Variants in ZSWIM8 observed in about 807,000 individuals in gnomAD.
ZSWIM8 encodes the protein zinc finger SWIM domain-containing protein 8.
A neutral mutation model predicts 173.7 loss-of-function variants in ZSWIM8; 27 were observed. The ratio of observed to expected loss-of-function variants is 0.16; its 90% CI spans 0.11 to 0.21. ZSWIM8 has a LOEUF of 0.21. Among genes scored for constraint, ZSWIM8 ranks in the 10% least tolerant of loss-of-function variants. The pLI, the probability that ZSWIM8 is intolerant of heterozygous loss-of-function variation, is 1.00. For synonymous variants in ZSWIM8, 958 were observed against 962.0 expected, an observed-to-expected ratio of 1.00 and a Z score of 0.08; for missense variants, 1,627 against 2,428.8, an observed-to-expected ratio of 0.67 and a Z score of 6.94.
chr10:73,793,746 C>T (rs763409824), intron 11 of ZSWIM8, 27 bp downstream of exon 11: 116 of 1,583,066 alleles, frequency 7.3e-5, no homozygotes, highest in Admixed American at 4.3e-4. Flanking sequence ...CTCTACCTTC[C>T]CCTCCCCCAC....
At position 73,797,719 on chromosome 10, in the gene ZSWIM8, C is replaced by T; in HGVS notation, c.3663-62C>T. On this transcript the variant is annotated intron_variant, in intron 18 of 25. Transcript: ENST00000604729. The surrounding 1 kb of genome is among the most constrained non-coding windows in gnomAD (Gnocchi z 5.6). The stretch of plus-strand genomic sequence containing the variant: ...CCTCACTTTCCCTGGTCCTTCCCAA[C>T]CTACCCGGATGCCCATTTCAAAGAA... 6.4e-7 allele frequency: 1 copy of T among 1,572,268 alleles called. No homozygotes were observed. The highest frequency in any genetic ancestry group is 1.2e-5 in the South Asian group (1 of 85,674).
intron 1 of ZSWIM8, among the ~76,000 whole-genome samples, chr10:73,787,941 T>C (rs2083283148): frequency 6.6e-6 from 1 of 152,224 alleles, no homozygotes. Flanking sequence ...TTCTGATCTA[T>C]TAATGTGACT....
chr10:73,799,941 T>A (rs2083856188), intron 21 of ZSWIM8, 70 bp from the exon 22 acceptor site: 2 of 1,503,010 alleles, frequency 1.3e-6, no homozygotes, highest in Admixed American at 3.5e-5. Flanking sequence ...TAGCAGCTTG[T>A]GGGGGTGAAG....
chr10:73,797,060 T>C lies in ZSWIM8; in HGVS notation c.3274+46T>C, dbSNP rs773659560. 4 of 1,612,434 alleles carry C rather than the reference T, an allele frequency of 2.5e-6. No homozygotes were observed. In the Admixed American group the frequency reaches 5.0e-5, roughly 20 times the overall value. On this transcript the variant is annotated intron_variant, in intron 16 of 25. Coordinates refer to ENST00000604729, the MANE Select transcript of ZSWIM8 (RefSeq NM_001367799.1). This position sits in a 1 kb window ranked among gnomAD's most constrained non-coding sequence, Gnocchi z 5.6. The stretch of plus-strand genomic sequence containing the variant: ...AGGGGGGATGAATGGTGTGGACCTA[T>C]GTTGAGGTCCCCTTTCCTGGGCTCA...
In ZSWIM8 at chr10:73,797,212, G is replaced by A. The variant is rs1051407197; in HGVS notation, c.3374G>A (p.Arg1125His). Residue 1125 changes from arginine to histidine, a missense_variant, in exon 17 of 26, where the codon CGT becomes CAT. Arg to His is a conservative substitution (Grantham distance 29). This residue lies in a region of ZSWIM8 where 163 missense variants were observed against 193.2 expected (regional missense o/e 0.84). Transcript: ENST00000604729. The surrounding 1 kb of genome is among the most constrained non-coding windows in gnomAD (Gnocchi z 5.6). The stretch of plus-strand genomic sequence containing the variant: ...CCTAGCCGCTTGGCACTTGGCAGTC[G>A]TGGAGGCTATAATGGACGGGGATGG... ...KVPSRLALGS[R>H]GGYNGRGWGS... 2.5e-6 allele frequency: 4 copies of A among 1,614,016 alleles called. No homozygotes were observed. Among genetic ancestry groups the A allele is most frequent in the Admixed American group, 1.7e-5 (1 of 60,026 alleles).
chr10:73,796,557 G>T, intron 15 of ZSWIM8: 1 of 604,626 alleles, frequency 1.7e-6, no homozygotes, highest in Middle Eastern at 2.6e-4. Context: ...AGTATATTCT[G>T]CCCTGTGGTG....
chr10:73,788,925 T>A, intron 2 of ZSWIM8, 102 bp downstream of exon 2: 1 of 1,519,840 alleles, frequency 6.6e-7, no homozygotes, highest in Non-Finnish European at 8.9e-7. Context: ...GGGGCAGTGG[T>A]AAGAGGAAGA....
At position 73,797,732 on chromosome 10, in the gene ZSWIM8, C is replaced by T. The variant is rs1311974383; in HGVS notation, c.3663-49C>T. The T allele has an allele frequency of 6.3e-7, 1 of 1,581,876 alleles. No homozygotes were observed. The highest frequency in any genetic ancestry group is 1.3e-5 in the African/African-American group (1 of 74,116). On this transcript the variant is annotated intron_variant, in intron 18 of 25. Coordinates refer to ENST00000604729, the MANE Select transcript of ZSWIM8 (RefSeq NM_001367799.1). The surrounding 1 kb of genome is among the most constrained non-coding windows in gnomAD (Gnocchi z 5.6). ...GGTCCTTCCCAACCTACCCGGATGC[C>T]CATTTCAAAGAAACCCCAACCCCCG... is the stretch of plus-strand genomic sequence containing the variant.
intron 13 of ZSWIM8, 93 bp downstream of exon 13, chr10:73,794,423 T>C (rs1049459834): frequency 1.2e-4 from 185 of 1,567,536 alleles, no homozygotes; most frequent in Non-Finnish European, 1.5e-4. Flanking sequence ...GAATCACCTT[T>C]AGGACCCATC....
In ZSWIM8 at chr10:73,785,865, G is replaced by C. The variant is rs368628701; in HGVS notation, c.-14G>C. ...TCCGCGGGGGGGGACCCGGCCCCGGGGGGTGCGGGCCCCATGGAGCTGATG... is the reference window on the plus strand; with the variant it reads ...TCCGCGGGGGGGGACCCGGCCCCGGCGGGTGCGGGCCCCATGGAGCTGATG... On this transcript the variant is annotated 5_prime_UTR_variant, in exon 1 of 26. Coordinates refer to ENST00000604729, the MANE Select transcript of ZSWIM8 (RefSeq NM_001367799.1). 6.7e-7 allele frequency: 1 copy of C among 1,491,190 alleles called. No homozygotes were observed. The highest frequency in any genetic ancestry group is 2.3e-5 in the Admixed American group (1 of 43,076). 92.4% of individuals were successfully genotyped at this position (1,491,190 alleles called of 1,614,324 possible). A position where few individuals can be genotyped will look rare whatever the true frequency, so the allele number is the denominator to read the frequency against.
intron 1 of ZSWIM8, chr10:73,786,394 A>C: frequency 2.9e-6 from 1 of 342,172 alleles, no homozygotes; most frequent in African/African-American, 2.1e-5. Context: ...TGTGGACAGA[A>C]AGTAAATCTT....
At chr10:73,786,544 G>C (rs2083234335) in intron 1 of ZSWIM8, 1 of 157,402 alleles carries the variant, frequency 6.4e-6, no homozygotes, top group Non-Finnish European at 1.4e-5. Context: ...GTGAAGAAGT[G>C]ACCACTTGTG....
At position 73,797,127 on chromosome 10, in the gene ZSWIM8, T is replaced by G; in HGVS notation, c.3289T>G (p.Ser1097Ala). The change falls in exon 17 of 26, where the codon TCC becomes GCC. Residue 1097 changes from serine to alanine, a missense_variant. By Grantham distance (99) the Ser-to-Ala change is moderately conservative. This residue lies in a region of ZSWIM8 where 163 missense variants were observed against 193.2 expected (regional missense o/e 0.84). Coordinates refer to ENST00000604729, the MANE Select transcript of ZSWIM8 (RefSeq NM_001367799.1). This position sits in a 1 kb window ranked among gnomAD's most constrained non-coding sequence, Gnocchi z 5.6. Reference protein sequence around the residue: ...EKNVPESSPHSPCEGLPSEAA... With the variant: ...EKNVPESSPHAPCEGLPSEAA... Reference sequence around the variant, plus strand: ...TCCTCACCTAGAGAGTTCCCCACATTCCCCCTGTGAGGGTCTTCCATCTGA... The same window carrying G: ...TCCTCACCTAGAGAGTTCCCCACATGCCCCCTGTGAGGGTCTTCCATCTGA... 6.2e-7 allele frequency: 1 copy of G among 1,613,430 alleles called. No individual in the cohort carries two copies. Among genetic ancestry groups the G allele is most frequent in the Non-Finnish European group, 8.5e-7 (1 of 1,179,674 alleles).
At position 73,793,570 on chromosome 10, in the gene ZSWIM8, C is replaced by T. The variant is rs372690363; in HGVS notation, c.2314-18C>T. On this transcript the variant is annotated intron_variant, in intron 10 of 25. Coordinates refer to ENST00000604729, the MANE Select transcript of ZSWIM8 (RefSeq NM_001367799.1). ...AAGTTGGGACTTTAACCTGTCTGGTCCCATGTCCTCCTTCCAGGTACTGTT... is the reference window on the plus strand; with the variant it reads ...AAGTTGGGACTTTAACCTGTCTGGTTCCATGTCCTCCTTCCAGGTACTGTT... The T allele has an allele frequency of 1.7e-5, 26 of 1,564,528 alleles. No homozygotes were observed. The highest frequency in any genetic ancestry group is 2.2e-5 in the Non-Finnish European group (25 of 1,154,526).
Position 73,800,693 on chromosome 10 carries a change from A to C in ZSWIM8, c.5056A>C (p.Asn1686His). Residue 1686 changes from asparagine to histidine, a missense_variant, in exon 24 of 26, where the codon AAC (asparagine) becomes CAC (histidine). Physicochemically the swap from Asn to His is moderately conservative, Grantham distance 68 (BLOSUM62 1). Coordinates refer to ENST00000604729, the MANE Select transcript of ZSWIM8 (RefSeq NM_001367799.1). The surrounding 1 kb of genome is among the most constrained non-coding windows in gnomAD (Gnocchi z 4.1). ...CCGGGCACACAACGATCACCCCAAC[A>C]ACTTCTCCCGCTCCCCCCCCTACAC... ...GRRAHNDHPN[N>H]FSRSPPYTDD... The C allele has an allele frequency of 6.2e-7, 1 of 1,613,554 alleles. No individual in the cohort carries two copies. Among genetic ancestry groups the C allele is most frequent in the Non-Finnish European group, 8.5e-7 (1 of 1,179,764 alleles).
chr10:73,789,317 A>G lies in ZSWIM8; in HGVS notation c.458-50A>G, dbSNP rs1040589273. ...ACTGCAGGGCCAGGGTCAAGGGCAG[A>G]GACCCAGGTCCTGACAGCACTCCCT... On this transcript the variant is annotated intron_variant, in intron 3 of 25. Coordinates refer to ENST00000604729, the MANE Select transcript of ZSWIM8 (RefSeq NM_001367799.1). The surrounding 1 kb of genome is among the most constrained non-coding windows in gnomAD (Gnocchi z 6.8). 8.9e-6 allele frequency: 14 copies of G among 1,565,282 alleles called. No homozygotes were observed. The highest frequency in any genetic ancestry group is 1.3e-5 in the African/African-American group (1 of 74,108).
Position 73,797,835 on chromosome 10 carries a change from A to G in ZSWIM8, c.3717A>G (p.Ser1239=), listed in dbSNP as rs768461647. 1.2e-6 allele frequency: 2 copies of G among 1,613,394 alleles called. No homozygotes were observed. The highest frequency in any genetic ancestry group is 1.7e-6 in the Non-Finnish European group (2 of 1,179,820). The change falls in exon 19 of 26, where the codon TCA becomes TCG. Residue 1239 remains serine (S), a synonymous_variant. Transcript: ENST00000604729. This position sits in a 1 kb window ranked among gnomAD's most constrained non-coding sequence, Gnocchi z 5.6. ...SHAPHVPNQP[S]EAAAHFYFEL... ...CCCCTCATGTACCCAATCAGCCATC[A>G]GAGGCAGCTGCACACTTCTACTTCG...
rs1290554839 is a variant in ZSWIM8, at chr10:73,797,804, G to A, written c.3686G>A (p.Ser1229Asn). Residue 1229 changes from serine to asparagine, a missense_variant, in exon 19 of 26, where the codon AGT (serine) becomes AAT (asparagine). Physicochemically the swap from Ser to Asn is conservative, Grantham distance 46 (BLOSUM62 1). Coordinates refer to ENST00000604729, the MANE Select transcript of ZSWIM8 (RefSeq NM_001367799.1). This position sits in a 1 kb window ranked among gnomAD's most constrained non-coding sequence, Gnocchi z 5.6. ...AGGTACAAGGGCCGCCGCCCCGAGA[G>A]TCATGCCCCTCATGTACCCAATCAG... ...VGRYKGRRPE[S>N]HAPHVPNQPS... The A allele has an allele frequency of 1.9e-6, 3 of 1,613,302 alleles. No homozygotes were observed. Among genetic ancestry groups the A allele is most frequent in the Admixed American group, 3.3e-5 (2 of 59,972 alleles).
Position 73,799,956 on chromosome 10 carries a change from A to C in ZSWIM8, c.4666-55A>C. ...TAGCAGCTTGTGGGGGTGAAGCACG[A>C]CAGCAACATCCTAATCAAGTTTGGC... is the stretch of plus-strand genomic sequence containing the variant. On this transcript the variant is annotated intron_variant, in intron 21 of 25. Transcript: ENST00000604729. The C allele has an allele frequency of 1.9e-6, 3 of 1,573,518 alleles. No individual in the cohort carries two copies. In the South Asian group the frequency reaches 3.4e-5, roughly 18 times the overall value.
Sources: gnomAD v4.1 joint callset for allele counts (sites outside exome capture counted in the v4.1 genomes callset) on GRCh38, gnomAD v4.1.1 for gene constraint, gnomAD v4.1.1 regional missense constraint, Gnocchi (gnomAD v3.1) non-coding constraint, MANE v1.5 for transcripts, NCBI Gene and HGNC (gene_info 2026-07-23, HGNC 2026-07-21) for gene names.